Variants in NFE2L2 observed in about 807,000 individuals in gnomAD.
NFE2L2 encodes the protein nuclear factor erythroid 2-related factor 2.
NFE2L2 carries 20 observed loss-of-function variants against 49.6 expected under a neutral mutation model. That is an observed-to-expected ratio of 0.40 (90% CI 0.28 to 0.59). The LOEUF is 0.59. NFE2L2 is among the 20% of genes least tolerant of loss of function. The probability of loss-of-function intolerance (pLI) is 0.40; values close to 1 mark genes in which losing one functional copy is unlikely to be tolerated. For missense variants in NFE2L2, 578 were observed against 714.2 expected, an observed-to-expected ratio of 0.81 and a Z score of 2.17; for synonymous variants, 244 against 256.5, an observed-to-expected ratio of 0.95 and a Z score of 0.47.
At chr2:177,253,076 A>G (rs1013906809) in intron 1 of NFE2L2, among the ~76,000 whole-genome samples, 7 of 152,184 alleles carry the variant, frequency 4.6e-5, no homozygotes, top group African/African-American at 1.7e-4. Flanking sequence ...CTGGCCCAAT[A>G]GTCTGTCATA....
At chr2:177,242,142 A>G (rs1227707500) in intron 1 of NFE2L2, among the ~76,000 whole-genome samples, 1 of 152,202 alleles carries the variant, frequency 6.6e-6, no homozygotes, top group Non-Finnish European at 1.5e-5. Flanking sequence ...CTGATTTGCT[A>G]TCTTGATTGT....
intron 1 of NFE2L2, among the ~76,000 whole-genome samples, chr2:177,251,002 T>C (rs1002165894): frequency 1.3e-5 from 2 of 152,244 alleles, no homozygotes; most frequent in Non-Finnish European, 2.9e-5. Flanking sequence ...TCAGCTCCTG[T>C]TGCAAATGCC....
At position 177,231,739 on chromosome 2, in the gene NFE2L2, A is replaced by G. The variant is rs773708806; in HGVS notation, c.864T>C (p.Ala288=). Residue 288 remains alanine (A), a synonymous_variant, in exon 5 of 5, where the codon GCT becomes GCC. Transcript: ENST00000397062. The part of the protein sequence containing the change: ...NTDFGDEFYS[A]FIAEPSISNS... ...TGCTGATACTGGGCTCAGCTATGAA[A>G]GCAGAATAAAATTCATCACCAAAAT... 6.2e-7 allele frequency: 1 copy of G among 1,614,224 alleles called. No individual in the cohort carries two copies. The highest frequency in any genetic ancestry group is 1.1e-5 in the South Asian group (1 of 91,086).
At chr2:177,261,033 G>A (rs966042448) in intron 1 of NFE2L2, among the ~76,000 whole-genome samples, 8 of 151,518 alleles carry the variant, frequency 5.3e-5, no homozygotes, top group East Asian at 1.9e-4. Context: ...AAAATTAGCC[G>A]GGCAGTGGGT....
At chr2:177,263,533 C>T (rs1262713457) in intron 1 of NFE2L2, 1 of 985,418 alleles carries the variant, frequency 1.0e-6, no homozygotes, top group African/African-American at 1.7e-5. Flanking sequence ...TCCAACCTGT[C>T]CCTTGGCCCT....
At chr2:177,264,062 G>A (rs1216885007) in intron 1 of NFE2L2, among the ~76,000 whole-genome samples, 1 of 152,148 alleles carries the variant, frequency 6.6e-6, no homozygotes, top group Non-Finnish European at 1.5e-5. Context: ...GTTCCCCCGA[G>A]AGCGGCCCCG....
At chr2:177,232,299 C>T (rs1689581935) in intron 4 of NFE2L2, 93 bp downstream of exon 4, 6 of 1,251,724 alleles carry the variant, frequency 4.8e-6, no homozygotes, top group Non-Finnish European at 6.5e-6. Context: ...ACCCTCCAAT[C>T]CTTCCTATAA....
intron 1 of NFE2L2, among the ~76,000 whole-genome samples, chr2:177,258,651 T>C (rs1008031973): frequency 6.6e-6 from 1 of 152,198 alleles, no homozygotes; most frequent in Non-Finnish European, 1.5e-5. Context: ...AAATTCTATC[T>C]ACTATAGAGG....
At chr2:177,238,299 G>A (rs1574264392) in intron 1 of NFE2L2, among the ~76,000 whole-genome samples, 2 of 152,300 alleles carry the variant, frequency 1.3e-5, no homozygotes, top group South Asian at 4.1e-4. Flanking sequence ...AATCTGACTT[G>A]CAAAGTATCC....
At chr2:177,241,310 T>G (rs1291879424) in intron 1 of NFE2L2, among the ~76,000 whole-genome samples, 1 of 152,210 alleles carries the variant, frequency 6.6e-6, no homozygotes, top group African/African-American at 2.4e-5. Context: ...TTACCAGCAT[T>G]CAGAGTCTAA....
rs889994526 is a variant in NFE2L2, at chr2:177,231,172, A to G, written c.1431T>C (p.Pro477=). Reference sequence around the variant, plus strand: ...ACATCATTTCGTTGAAGTCAACAACAGGGAGGTTAATGATTTTTTCTACAG... The same window carrying G: ...ACATCATTTCGTTGAAGTCAACAACGGGGAGGTTAATGATTTTTTCTACAG... ...PFPVEKIINL[P]VVDFNEMMSK... The change falls in exon 5 of 5, where the codon CCT becomes CCC. Residue 477 remains proline (P), a synonymous_variant. Transcript: ENST00000397062. The G allele has an allele frequency of 6.2e-7, 1 of 1,614,152 alleles. No homozygotes were observed. The highest frequency in any genetic ancestry group is 1.7e-5 in the Admixed American group (1 of 60,008).
chr2:177,253,905 T>C (rs1690427031), intron 1 of NFE2L2, among the ~76,000 whole-genome samples: 1 of 152,196 alleles, frequency 6.6e-6, no homozygotes, highest in Non-Finnish European at 1.5e-5. Context: ...TAACAATCAA[T>C]CAACTGCTGA....
chr2:177,232,066 A>G, intron 4 of NFE2L2, 58 bp from the exon 5 acceptor site: 1 of 1,454,990 alleles, frequency 6.9e-7, no homozygotes, highest in South Asian at 1.4e-5. Context: ...ATAATACGTG[A>G]TAAATTTAGA....
chr2:177,253,346 T>C (rs771974345), intron 1 of NFE2L2, among the ~76,000 whole-genome samples: 1 of 152,186 alleles, frequency 6.6e-6, no homozygotes, highest in Non-Finnish European at 1.5e-5. Context: ...AACTATTACG[T>C]AAGCACCAGG....
Position 177,234,188 on chromosome 2 carries a change from C to A in NFE2L2, c.129G>T (p.Arg43=), listed in dbSNP as rs2105459220. Reference sequence around the variant, plus strand: ...TCTGTTTTTCCAGCTCATACTCTTTCCGTCGCTGACTGAAGTCAAATACTT... The same window carrying A: ...TCTGTTTTTCCAGCTCATACTCTTTACGTCGCTGACTGAAGTCAAATACTT... ...SREVFDFSQR[R]KEYELEKQKK... is the part of the protein sequence containing the mutation. The change falls in exon 2 of 5, where the codon CGG becomes CGT. Residue 43 remains arginine, a synonymous_variant. Coordinates refer to ENST00000397062, the MANE Select transcript of NFE2L2 (RefSeq NM_006164.5). 1 of 1,614,146 alleles carries A rather than the reference C, an allele frequency of 6.2e-7. No homozygotes were observed. The highest frequency in any genetic ancestry group is 8.5e-7 in the Non-Finnish European group (1 of 1,180,030).
chr2:177,252,369 G>C (rs1690373269), intron 1 of NFE2L2, among the ~76,000 whole-genome samples: 1 of 152,208 alleles, frequency 6.6e-6, no homozygotes, highest in Admixed American at 6.5e-5. Context: ...AGCATTGCTA[G>C]ATGTCCACAT....
In NFE2L2 at chr2:177,234,925, G is replaced by C. The variant is rs144668476; in HGVS notation, c.46-654C>G. The stretch of plus-strand genomic sequence containing the variant: ...GAGGTCTGGAGTTCGAGATCAGCCT[G>C]GCCAACATGGTGAAACCACGTCTCT... On this transcript the variant is annotated intron_variant, in intron 1 of 4. Coordinates refer to ENST00000397062, the MANE Select transcript of NFE2L2 (RefSeq NM_006164.5). Among the ~76,000 whole-genome samples, 1,180 of 152,146 alleles carry C rather than the reference G, an allele frequency of 7.8e-3. 9 individuals carry two copies. The highest frequency in any genetic ancestry group is 0.013 in the Admixed American group (192 of 15,270).
chr2:177,233,484 C>T (rs1558980514), intron 2 of NFE2L2, 145 bp from the exon 3 acceptor site: 4 of 683,750 alleles, frequency 5.9e-6, no homozygotes, highest in Non-Finnish European at 9.7e-6. Context: ...CTTTGATGCA[C>T]AATTTGAACT....
In NFE2L2 at chr2:177,234,349, A is replaced by G. The variant is rs575397242; in HGVS notation, c.46-78T>C. On this transcript the variant is annotated intron_variant, in intron 1 of 4. Transcript: ENST00000397062. The stretch of plus-strand genomic sequence containing the variant: ...GATACCACATAAATTAATTCACATT[A>G]TGCCACTGTTGATGGTGGGAAGTGG... 1.6e-5 allele frequency: 23 copies of G among 1,467,818 alleles called. No homozygotes were observed. In the Admixed American group the frequency reaches 3.8e-4, roughly 24 times the overall value. 90.9% of individuals were successfully genotyped at this position (1,467,818 alleles called of 1,614,324 possible).
Sources: allele counts gnomAD v4.1 joint callset (sites outside exome capture counted in the v4.1 genomes callset), GRCh38; gene constraint gnomAD v4.1.1; transcripts MANE v1.5; gene names NCBI Gene and HGNC (gene_info 2026-07-23, HGNC 2026-07-21).